The following ADAMTS16 variants were observed in gnomAD, a reference collection of about 807,000 sequenced individuals.
The protein encoded by ADAMTS16 is A disintegrin and metalloproteinase with thrombospondin motifs 16.
Under a neutral mutation model 145.8 loss-of-function variants are expected in ADAMTS16, and 94 were observed. That is an observed-to-expected ratio of 0.64 (90% CI 0.55 to 0.77). ADAMTS16 has a LOEUF of 0.77. ADAMTS16 is among the 30% of genes least tolerant of loss of function. The probability of loss-of-function intolerance (pLI) is 0.00; values close to 1 mark genes in which losing one functional copy is unlikely to be tolerated. For synonymous variants in ADAMTS16, 659 were observed against 604.3 expected, an observed-to-expected ratio of 1.09 and a Z score of -1.33; for missense variants, 1,585 against 1,591.5, an observed-to-expected ratio of 1.00 and a Z score of 0.07.
At chr5:5,305,025 ACACAC>A (rs1739996605) in intron 20 of ADAMTS16, among the ~76,000 whole-genome samples, 1 of 62,890 alleles carries the variant, frequency 1.6e-5, no homozygotes, top group Non-Finnish European at 3.4e-5. Flanking sequence ...ACACACACAC[ACACAC>A]ATCCATCCCA....
chr5:5,255,142 G>A (rs1430205798), intron 17 of ADAMTS16, among the ~76,000 whole-genome samples: 1 of 151,946 alleles, frequency 6.6e-6, no homozygotes, highest in African/African-American at 2.4e-5. Flanking sequence ...TTTGAAAAGA[G>A]TATCCCATTA....
chr5:5,240,804 T>A (rs1737263559), intron 16 of ADAMTS16, among the ~76,000 whole-genome samples: 1 of 152,180 alleles, frequency 6.6e-6, no homozygotes, highest in Non-Finnish European at 1.5e-5. Flanking sequence ...AACTCTTTCA[T>A]CCTATCCCTT....
chr5:5,242,207 T>C lies in ADAMTS16; in HGVS notation c.2662+16T>C, dbSNP rs1234148303. ...TGCGGAGGGGGTAGGTGCCTTCCAG[T>C]GCTGCTCCTGGAGGCAGCATGTCAG... On this transcript the variant is annotated intron_variant, in intron 17 of 22. Transcript: ENST00000274181. 1.2e-6 allele frequency: 2 copies of C among 1,612,444 alleles called. No individual in the cohort carries two copies. Among genetic ancestry groups the C allele is most frequent in the East Asian group, 2.2e-5 (1 of 44,808 alleles).
chr5:5,217,444 A>G (rs1736468281), intron 10 of ADAMTS16, among the ~76,000 whole-genome samples: 1 of 152,198 alleles, frequency 6.6e-6, no homozygotes, highest in South Asian at 2.1e-4. Context: ...CAGTGTCTAG[A>G]AGGGTTTGTC....
intron 18 of ADAMTS16, among the ~76,000 whole-genome samples, chr5:5,280,853 C>T (rs1326654215): frequency 3.9e-5 from 6 of 152,130 alleles, no homozygotes; most frequent in Non-Finnish European, 7.4e-5. Context: ...CCTACTCATC[C>T]CACGTTGCTC....
At chr5:5,273,024 G>A (rs139775358) in intron 18 of ADAMTS16, among the ~76,000 whole-genome samples, 1,857 of 152,220 alleles carry the variant, frequency 0.012, 10 homozygotes, top group Non-Finnish European at 0.017. Flanking sequence ...TTAGAGCTTT[G>A]TTCTGTAGAT....
chr5:5,303,698 G>A lies in ADAMTS16; in HGVS notation c.3118G>A (p.Glu1040Lys), dbSNP rs200742357. The stretch of plus-strand genomic sequence containing the variant: ...CTCCGAGCCCAAGCCCAGGATGCAT[G>A]AAGCCTGTCTGCTTCAGCGCTGCCA... ...CTSEPKPRMH[E>K]ACLLQRCHKP... Residue 1040 changes from glutamate (E) to lysine (K), a missense_variant, in exon 20 of 23, where the codon GAA becomes AAA. Around this residue, in one of 3 missense-constraint regions of ADAMTS16, gnomAD observed 834 missense variants for 811.7 expected, o/e 1.03. Coordinates refer to ENST00000274181, the MANE Select transcript of ADAMTS16 (RefSeq NM_139056.4). 109 of 1,613,704 alleles carry A rather than the reference G, an allele frequency of 6.8e-5. 1 individual carries two copies. The Middle Eastern group carries it at 1.2e-3, about 18-fold the overall frequency.
chr5:5,319,411 A>G lies in ADAMTS16; in HGVS notation c.*273A>G, dbSNP rs1191969818. 2 of 473,638 alleles carry G rather than the reference A, an allele frequency of 4.2e-6. No individual in the cohort carries two copies. The highest frequency in any genetic ancestry group is 7.7e-6 in the Non-Finnish European group (2 of 260,312). The allele number at this position is 473,638 out of a possible 1,614,324, so 29.3% of individuals were successfully genotyped here. Reference sequence around the variant, plus strand: ...GCTCGTGAGGCAGAAGGCAGGCACCACAACGGGAGAGGCAGCACTCACCCC... The same window carrying G: ...GCTCGTGAGGCAGAAGGCAGGCACCGCAACGGGAGAGGCAGCACTCACCCC... On this transcript the variant is annotated 3_prime_UTR_variant, in exon 23 of 23. Coordinates refer to ENST00000274181, the MANE Select transcript of ADAMTS16 (RefSeq NM_139056.4).
At position 5,182,136 on chromosome 5, in the gene ADAMTS16, C is replaced by T; in HGVS notation, c.594C>T (p.Ser198=). ...SWKLGRAAQG[S]SPSHVLYKRS... is the part of the protein sequence containing the mutation. ...AACTCGGCAGAGCTGCCCAAGGCAG[C>T]TCGCCATCCCACGTACTGTACAAGA... The change falls in exon 4 of 23, where the codon AGC becomes AGT. Residue 198 remains serine, a synonymous_variant. Coordinates refer to ENST00000274181, the MANE Select transcript of ADAMTS16 (RefSeq NM_139056.4). The T allele has an allele frequency of 1.2e-6, 2 of 1,614,116 alleles. No individual in the cohort carries two copies. The highest frequency in any genetic ancestry group is 1.7e-6 in the Non-Finnish European group (2 of 1,180,044).
chr5:5,154,826 G>A (rs964338218), intron 3 of ADAMTS16, among the ~76,000 whole-genome samples: 1 of 152,162 alleles, frequency 6.6e-6, no homozygotes, highest in African/African-American at 2.4e-5. Context: ...AGTTTAAAAG[G>A]ATAGTTTGGA....
chr5:5,262,527 T>C (rs1708425036), intron 17 of ADAMTS16, 130 bp from the exon 18 acceptor site: 2 of 1,280,296 alleles, frequency 1.6e-6, no homozygotes, highest in African/African-American at 1.5e-5. Flanking sequence ...AGTTGGCCAG[T>C]TGGTCATTAA....
chr5:5,195,299 G>A (rs541428935), intron 8 of ADAMTS16, among the ~76,000 whole-genome samples: 1 of 152,324 alleles, frequency 6.6e-6, no homozygotes, highest in African/African-American at 2.4e-5. Flanking sequence ...TAAGGCAGGT[G>A]CTGAAGCATT....
intron 8 of ADAMTS16, among the ~76,000 whole-genome samples, chr5:5,197,228 G>C (rs982073380): frequency 1.5e-4 from 23 of 152,168 alleles, no homozygotes; most frequent in Admixed American, 7.9e-4. Flanking sequence ...CAAACACTTG[G>C]CTGGTTATTC....
At chr5:5,140,600 C>T (rs72647738) in intron 1 of ADAMTS16, 61 bp downstream of exon 1, 8 of 1,516,686 alleles carry the variant, frequency 5.3e-6, no homozygotes, top group Admixed American at 2.0e-5. Flanking sequence ...GGAGGCGAGT[C>T]CCCCGCGGCT....
At chr5:5,250,741 G>A (rs543607481) in intron 17 of ADAMTS16, among the ~76,000 whole-genome samples, 91 of 152,010 alleles carry the variant, frequency 6.0e-4, no homozygotes, top group Admixed American at 2.2e-3. Flanking sequence ...GTGTGTGCGC[G>A]CACTCCTGGA....
chr5:5,154,475 C>G (rs1432071997), intron 3 of ADAMTS16, among the ~76,000 whole-genome samples: 1 of 152,158 alleles, frequency 6.6e-6, no homozygotes, highest in Non-Finnish European at 1.5e-5. Flanking sequence ...GGTAATCTTT[C>G]AAGTTTGAAG....
chr5:5,210,978 G>T (rs1034450260), intron 10 of ADAMTS16, among the ~76,000 whole-genome samples: 1 of 152,164 alleles, frequency 6.6e-6, no homozygotes, highest in Non-Finnish European at 1.5e-5. Context: ...ATAATCTGCT[G>T]AGTTGATTTG....
At chr5:5,219,426 T>C (rs1736530437) in intron 10 of ADAMTS16, among the ~76,000 whole-genome samples, 1 of 152,212 alleles carries the variant, frequency 6.6e-6, no homozygotes, top group South Asian at 2.1e-4. Flanking sequence ...GTAACTATCA[T>C]TCCACCACTA....
intron 8 of ADAMTS16, among the ~76,000 whole-genome samples, chr5:5,197,229 C>T (rs928046556): frequency 1.3e-5 from 2 of 152,182 alleles, no homozygotes; most frequent in African/African-American, 4.8e-5. Context: ...AAACACTTGG[C>T]TGGTTATTCA....
Sources: allele counts gnomAD v4.1 joint callset (sites outside exome capture counted in the v4.1 genomes callset), GRCh38; gene constraint gnomAD v4.1.1; regional missense constraint gnomAD v4.1.1; transcripts MANE v1.5; gene names NCBI Gene and HGNC (gene_info 2026-07-23, HGNC 2026-07-21).